Variants in BRD9 observed in about 807,000 individuals in gnomAD.
The protein encoded by BRD9 is bromodomain-containing protein 9.
BRD9 carries 47 observed loss-of-function variants against 68.7 expected under a neutral mutation model. The observed-to-expected ratio is 0.68, with a 90% CI of 0.54 to 0.87. BRD9 has a LOEUF of 0.87. Among genes scored for constraint, BRD9 ranks in the 40% least tolerant of loss-of-function variants. The probability of loss-of-function intolerance (pLI) is 0.00; values close to 1 mark genes in which losing one functional copy is unlikely to be tolerated. For missense variants in BRD9, 670 were observed against 748.4 expected (o/e 0.90, Z 1.22); for synonymous variants, 313 against 293.9 (o/e 1.06, Z -0.67).
chr5:885,989 G>C (rs960635185), intron 7 of BRD9, among the ~76,000 whole-genome samples: 7 of 152,318 alleles, frequency 4.6e-5, no homozygotes, highest in Middle Eastern at 3.4e-3. Flanking sequence ...AAAAAAGGAA[G>C]AAGGTTCCCT....
At chr5:875,899 C>T (rs1044048627) in intron 12 of BRD9, among the ~76,000 whole-genome samples, 5 of 152,198 alleles carry the variant, frequency 3.3e-5, no homozygotes, top group African/African-American at 4.8e-5. Context: ...GTTACGAGTG[C>T]GCTGGGAGTG....
chr5:883,062 G>A (rs1306063189), intron 8 of BRD9: 7 of 343,802 alleles, frequency 2.0e-5, no homozygotes, highest in South Asian at 4.5e-5. Flanking sequence ...TTCCCAACAC[G>A]TGAGCCACGC....
chr5:872,518 G>A (rs1253008112), intron 12 of BRD9, among the ~76,000 whole-genome samples: 1 of 152,174 alleles, frequency 6.6e-6, no homozygotes, highest in East Asian at 1.9e-4. Context: ...TGTGTTGGGG[G>A]GGCCAGCTTC....
intron 1 of BRD9, 153 bp from the exon 2 acceptor site, chr5:892,007 G>GACAT: frequency 7.9e-7 from 1 of 1,269,632 alleles, no homozygotes; most frequent in Non-Finnish European, 1.1e-6. Flanking sequence ...AGACCACAGT[G>GACAT]GCGGCATGTC....
chr5:892,395 CCT>C, intron 1 of BRD9: 2 of 1,177,966 alleles, frequency 1.7e-6, no homozygotes, highest in East Asian at 3.1e-5. Flanking sequence ...AACCCAGAAC[CCT>C]CTACCAGGAA....
chr5:881,042 A>G lies in BRD9; in HGVS notation c.1042+65T>C, dbSNP rs543118704. On this transcript the variant is annotated intron_variant, in intron 9 of 15. Transcript: ENST00000467963. Reference sequence around the variant, plus strand: ...CCATGGCTCAGCTTTTCATTACAGAATATCAACGGAGGCCCAAAAAGCAGT... The same window carrying G: ...CCATGGCTCAGCTTTTCATTACAGAGTATCAACGGAGGCCCAAAAAGCAGT... 9.2e-6 allele frequency: 14 copies of G among 1,516,556 alleles called. No individual in the cohort carries two copies. The South Asian group carries it at 1.1e-4, about 12-fold the overall frequency. The allele number at this position is 1,516,556 out of a possible 1,614,324, so 93.9% of individuals were successfully genotyped here.
intron 14 of BRD9, chr5:866,069 A>T (rs1304698245): frequency 6.5e-6 from 1 of 153,048 alleles, no homozygotes; most frequent in African/African-American, 2.4e-5. Flanking sequence ...CTCCCAGCCC[A>T]CTCCTGAACT....
chr5:892,736 G>C lies in BRD9; in HGVS notation c.-79C>G. Reference sequence around the variant, plus strand: ...CGGACCTTGGCCGCCACCGCCCCCTGGCCCTGGCTGGCCGCCCGCGCTCGC... The same window carrying C: ...CGGACCTTGGCCGCCACCGCCCCCTCGCCCTGGCTGGCCGCCCGCGCTCGC... On this transcript the variant is annotated 5_prime_UTR_variant, in exon 1 of 16. Coordinates refer to ENST00000467963, the MANE Select transcript of BRD9 (RefSeq NM_023924.5). The C allele has an allele frequency of 8.3e-7, 1 of 1,209,768 alleles. No homozygotes were observed. Among genetic ancestry groups the C allele is most frequent in the Non-Finnish European group, 1.0e-6 (1 of 963,188 alleles). 74.9% of individuals were successfully genotyped at this position (1,209,768 alleles called of 1,614,324 possible).
intron 9 of BRD9, among the ~76,000 whole-genome samples, chr5:880,836 G>A (rs1751627036): frequency 1.3e-5 from 2 of 152,352 alleles, no homozygotes; most frequent in South Asian, 4.1e-4. Flanking sequence ...GGCCTTAAAG[G>A]CCTCTCGGCA....
chr5:879,699 CTG>C, intron 10 of BRD9, 93 bp downstream of exon 10: 1 of 491,112 alleles, frequency 2.0e-6, no homozygotes. Flanking sequence ...TGAGGAAACT[CTG>C]AAGTACGAAT....
Position 878,474 on chromosome 5 carries a change from G to A in BRD9, c.1152C>T (p.Ser384=), listed in dbSNP as rs1294068809. 1.2e-6 allele frequency: 2 copies of A among 1,614,218 alleles called. No homozygotes were observed. Among genetic ancestry groups the A allele is most frequent in the Non-Finnish European group, 1.7e-6 (2 of 1,180,056 alleles). Residue 384 remains serine (S), a synonymous_variant, in exon 11 of 16, where the codon TCC becomes TCT. Coordinates refer to ENST00000467963, the MANE Select transcript of BRD9 (RefSeq NM_023924.5). ...DERRNKVTFL[S]SATTALSMQN... ...GCATCGAAAGCGCAGTAGTGGCACT[G>A]GAGAGAAAGGTGACTGGGAGGAAGA...
intron 12 of BRD9, among the ~76,000 whole-genome samples, chr5:875,197 ATCT>A (rs1023297119): frequency 2.6e-5 from 4 of 152,254 alleles, no homozygotes; most frequent in African/African-American, 4.8e-5. Flanking sequence ...TGCCCGAAGC[ATCT>A]TCTTCTTCCT....
chr5:876,355 G>A (rs1289834316), intron 11 of BRD9, 143 bp from the exon 12 acceptor site: 2 of 601,140 alleles, frequency 3.3e-6, no homozygotes, highest in Non-Finnish European at 2.9e-6. Flanking sequence ...TGTGGGGAGT[G>A]GCTGATAGTT....
intron 3 of BRD9, among the ~76,000 whole-genome samples, chr5:890,519 T>G (rs72703162): frequency 0.037 from 5,603 of 152,302 alleles, 136 homozygotes; most frequent in Non-Finnish European, 0.049. Context: ...CAAGTCCTTG[T>G]CAACTGGAAA....
Position 870,473 on chromosome 5 carries a change from C to G in BRD9, c.1525G>C (p.Gly509Arg), listed in dbSNP as rs1470592134. 6.2e-7 allele frequency: 1 copy of G among 1,612,582 alleles called. No homozygotes were observed. The highest frequency in any genetic ancestry group is 8.5e-7 in the Non-Finnish European group (1 of 1,178,636). ...SVDISMLSSL[G>R]KVKKELDPDD... ...TGGGAAAGTGCCTGTTACAACTCAC[C>G]CAGAGAGCTGAGCATGGAGATATCC... is the stretch of plus-strand genomic sequence containing the variant. Residue 509 changes from glycine to arginine, a missense_variant and splice_region_variant, in exon 14 of 16, where the codon GGG becomes CGG. Gly to Arg is a moderately radical substitution (Grantham distance 125). This residue lies in a region of BRD9 where 280 missense variants were observed against 281.5 expected (regional missense o/e 0.99). Transcript: ENST00000467963.
Position 886,689 on chromosome 5 carries a change from T to G in BRD9, c.736A>C (p.Asn246His), listed in dbSNP as rs780405336. 1.9e-6 allele frequency: 3 copies of G among 1,614,206 alleles called. No individual in the cohort carries two copies. The highest frequency in any genetic ancestry group is 2.5e-6 in the Non-Finnish European group (3 of 1,180,020). ...GGTTCCTCAACAGCTGTATCTTCATTGCCCAAAAGAGCTGCCTGCTGAGAA... is the reference window on the plus strand; with the variant it reads ...GGTTCCTCAACAGCTGTATCTTCATGGCCCAAAAGAGCTGCCTGCTGAGAA... ...MMSKQAALLG[N>H]EDTAVEEPVP... The change falls in exon 7 of 16, where the codon AAT becomes CAT. Residue 246 changes from asparagine (N) to histidine (H), a missense_variant. Coordinates refer to ENST00000467963, the MANE Select transcript of BRD9 (RefSeq NM_023924.5).
At chr5:870,921 T>C (rs1227212179) in intron 13 of BRD9, among the ~76,000 whole-genome samples, 1 of 152,248 alleles carries the variant, frequency 6.6e-6, no homozygotes, top group Non-Finnish European at 1.5e-5. Context: ...CTCAGGCACT[T>C]CACAGAGCAC....
At chr5:886,901 G>C in intron 6 of BRD9, 194 bp from the exon 7 acceptor site, 7 of 1,008,192 alleles carry the variant, frequency 6.9e-6, no homozygotes, top group Non-Finnish European at 8.4e-6. Flanking sequence ...GGAGCAGCGG[G>C]AGGTGGTTGT....
chr5:887,591 T>C (rs980263509), intron 5 of BRD9, 120 bp from the exon 6 acceptor site: 58 of 765,912 alleles, frequency 7.6e-5, no homozygotes, highest in Middle Eastern at 6.8e-4. Context: ...ACAATTCAAC[T>C]GGGCTCTCTG....
Sources: allele counts gnomAD v4.1 joint callset (sites outside exome capture counted in the v4.1 genomes callset), GRCh38; gene constraint gnomAD v4.1.1; regional missense constraint gnomAD v4.1.1; transcripts MANE v1.5; gene names NCBI Gene and HGNC (gene_info 2026-07-23, HGNC 2026-07-21).